Variants in PDS5A observed in about 807,000 individuals in gnomAD.
PDS5A encodes the protein sister chromatid cohesion protein PDS5 homolog A.
In PDS5A, 42 loss-of-function variants were observed where a neutral mutation model predicts 167.1. The ratio of observed to expected loss-of-function variants is 0.25; its 90% CI spans 0.20 to 0.33. The LOEUF is 0.33. Among genes scored for constraint, PDS5A ranks in the 10% least tolerant of loss-of-function variants. The probability of loss-of-function intolerance (pLI) is 1.00; values close to 1 mark genes in which losing one functional copy is unlikely to be tolerated. For synonymous variants in PDS5A, 553 were observed against 554.6 expected (o/e 1.00, Z 0.04); for missense variants, 1,033 against 1,605.9 (o/e 0.64, Z 6.10).
intron 2 of PDS5A, among the ~76,000 whole-genome samples, chr4:39,948,039 C>T (rs1165270396): frequency 6.6e-6 from 1 of 152,000 alleles, no homozygotes; most frequent in African/African-American, 2.4e-5. Flanking sequence ...TGCCTTGAGA[C>T]AAGGAATGCA....
chr4:39,869,553 T>A lies in PDS5A; in HGVS notation c.2437-91A>T, dbSNP rs1719841348. 3.8e-6 allele frequency: 3 copies of A among 779,746 alleles called. No individual in the cohort carries two copies. In the African/African-American group the frequency reaches 5.2e-5, roughly 13 times the overall value. The allele number at this position is 779,746 out of a possible 1,614,324, so 48.3% of individuals were successfully genotyped here. A position where few individuals can be genotyped will look rare whatever the true frequency, so the allele number is the denominator to read the frequency against. Reference sequence around the variant, plus strand: ...GTTTTTCATGTTGATCAACACAGCCTCTGAGAAACCTACGGGAACATCACC... The same window carrying A: ...GTTTTTCATGTTGATCAACACAGCCACTGAGAAACCTACGGGAACATCACC... On this transcript the variant is annotated intron_variant, in intron 21 of 32. Coordinates refer to ENST00000303538, the MANE Select transcript of PDS5A (RefSeq NM_001100399.2).
rs1479019631 is a variant in PDS5A, at chr4:39,977,757, C to A, written c.-341G>T. The A allele has an allele frequency of 6.7e-6, 1 of 149,300 alleles. No homozygotes were observed. Among genetic ancestry groups the A allele is most frequent in the East Asian group, 1.9e-4 (1 of 5,146 alleles). 9.2% of individuals were successfully genotyped at this position (149,300 alleles called of 1,614,324 possible). A position where few individuals can be genotyped will look rare whatever the true frequency, so the allele number is the denominator to read the frequency against. On this transcript the variant is annotated 5_prime_UTR_variant, in exon 1 of 33. Coordinates refer to ENST00000303538, the MANE Select transcript of PDS5A (RefSeq NM_001100399.2). The surrounding 1 kb of genome is among the most constrained non-coding windows in gnomAD (Gnocchi z 4.2). ...TGTGTGCGCTTGTGTCCGTCCGGGA[C>A]CCCCGCGGCCCGCCCGCACGCACCT...
chr4:39,913,370 C>T lies in PDS5A; in HGVS notation c.992+241G>A, dbSNP rs1018789277. ...CTGGGATTACAGGCATGAGCCACCACGGCTGGCCATGACATTATTTTAACA... is the reference window on the plus strand; with the variant it reads ...CTGGGATTACAGGCATGAGCCACCATGGCTGGCCATGACATTATTTTAACA... On this transcript the variant is annotated intron_variant, in intron 9 of 32. Coordinates refer to ENST00000303538, the MANE Select transcript of PDS5A (RefSeq NM_001100399.2). Among the ~76,000 whole-genome samples the T allele has an allele frequency of 3.9e-5, 6 of 152,238 alleles. No individual in the cohort carries two copies. In the East Asian group the frequency reaches 7.7e-4, roughly 20 times the overall value.
intron 2 of PDS5A, among the ~76,000 whole-genome samples, chr4:39,970,815 T>TTA (rs1553911027): frequency 1.4e-5 from 2 of 147,718 alleles, no homozygotes; most frequent in Non-Finnish European, 3.0e-5. Context: ...TTTTTTTTTT[T>TTA]AAGACAAGGT....
intron 2 of PDS5A, among the ~76,000 whole-genome samples, chr4:39,931,501 G>A (rs1726062669): frequency 6.6e-6 from 1 of 152,144 alleles, no homozygotes; most frequent in South Asian, 2.1e-4. Context: ...GACTGGGCGT[G>A]GAGGGTGTGT....
At chr4:39,845,698 A>G in intron 29 of PDS5A, 120 bp downstream of exon 29, 1 of 1,098,036 alleles carries the variant, frequency 9.1e-7, no homozygotes, top group Non-Finnish European at 1.2e-6. Flanking sequence ...TTAAATCCAT[A>G]ATGTGATCCC....
chr4:39,946,387 G>C (rs1005958039), intron 2 of PDS5A, among the ~76,000 whole-genome samples: 1 of 151,908 alleles, frequency 6.6e-6, no homozygotes, highest in Non-Finnish European at 1.5e-5. Context: ...ACGGGTGGTG[G>C]GAAAAAGCAG....
At position 39,837,037 on chromosome 4, in the gene PDS5A, G is replaced by C. The variant is rs1033740523; in HGVS notation, c.4010+819C>G. The C allele has an allele frequency of 7.5e-5, 10 of 133,274 alleles. No homozygotes were observed. The Admixed American group carries it at 8.4e-4, about 11-fold the overall frequency. 8.3% of individuals were successfully genotyped at this position (133,274 alleles called of 1,614,324 possible). A position where few individuals can be genotyped will look rare whatever the true frequency, so the allele number is the denominator to read the frequency against. ...AGTAGAGATGGGGTTTCACCATGTT[G>C]GTCAGGCTGGTCTTGAACTCCTGAC... On this transcript the variant is annotated intron_variant, in intron 32 of 32. Transcript: ENST00000303538.
chr4:39,845,887 A>T lies in PDS5A; in HGVS notation c.3340-7T>A. ...TCTTATCGTTACAGAAGTCCTATTA[A>T]AAAAAAAAAAGAAAAAGAAAAAAGA... On this transcript the variant is annotated splice_polypyrimidine_tract_variant and splice_region_variant and intron_variant, in intron 28 of 32. Coordinates refer to ENST00000303538, the MANE Select transcript of PDS5A (RefSeq NM_001100399.2). 7.7e-7 allele frequency: 1 copy of T among 1,293,816 alleles called. No individual in the cohort carries two copies. 80.1% of individuals were successfully genotyped at this position (1,293,816 alleles called of 1,614,324 possible).
chr4:39,930,246 A>AAAAAAAAAAAAAAAAAGTTTTTT, intron 2 of PDS5A, among the ~76,000 whole-genome samples: 5 of 93,088 alleles, frequency 5.4e-5, no homozygotes, highest in Non-Finnish European at 1.1e-4. Context: ...AAAAAAAAAA[A>AAAAAAAAAAAAAAAAAGTTTTTT]GTTTTTTTGT....
chr4:39,840,016 C>T (rs1279693090), intron 31 of PDS5A, among the ~76,000 whole-genome samples: 1 of 152,050 alleles, frequency 6.6e-6, no homozygotes, highest in Admixed American at 6.6e-5. Context: ...ATCGCTTGAA[C>T]CCAGGAGGCA....
chr4:39,864,844 A>G (rs1410599863), intron 23 of PDS5A, among the ~76,000 whole-genome samples: 4 of 152,350 alleles, frequency 2.6e-5, no homozygotes, highest in Admixed American at 1.3e-4. Context: ...AGGTAATACT[A>G]TATTATATGA....
intron 26 of PDS5A, among the ~76,000 whole-genome samples, chr4:39,850,477 A>G (rs1265334663): frequency 6.6e-6 from 1 of 152,054 alleles, no homozygotes; most frequent in Non-Finnish European, 1.5e-5. Context: ...CCCTCTCAAA[A>G]GAAAACACAG....
chr4:39,829,025 C>T (rs1007412074), intron 32 of PDS5A, among the ~76,000 whole-genome samples: 3 of 152,132 alleles, frequency 2.0e-5, no homozygotes, highest in East Asian at 1.9e-4. Flanking sequence ...GCAGCAATCC[C>T]GATCAGACTC....
At chr4:39,958,532 T>C (rs1236517218) in intron 2 of PDS5A, among the ~76,000 whole-genome samples, 4 of 146,862 alleles carry the variant, frequency 2.7e-5, no homozygotes, top group African/African-American at 5.0e-5. Flanking sequence ...AAGGTACGGG[T>C]AGGGAATTAC....
At chr4:39,921,277 T>TA (rs1361275961) in intron 6 of PDS5A, among the ~76,000 whole-genome samples, 3 of 152,184 alleles carry the variant, frequency 2.0e-5, no homozygotes, top group African/African-American at 7.2e-5. Context: ...TGTGTTCCAA[T>TA]AAAATCTTAC....
Position 39,900,436 on chromosome 4 carries a change from T to C in PDS5A, c.1571A>G (p.Lys524Arg), listed in dbSNP as rs764487607. The C allele has an allele frequency of 6.4e-7, 1 of 1,574,112 alleles. No individual in the cohort carries two copies. The highest frequency in any genetic ancestry group is 2.3e-5 in the East Asian group (1 of 43,916). The part of the protein sequence containing the change: ...SHVRELLDLH[K>R]QPTSEANCSA... Reference sequence around the variant, plus strand: ...AAATCATGAACCTACTGTAGGCTGCTTGTGCAAATCCAATAGTTCGCGTAC... The same window carrying C: ...AAATCATGAACCTACTGTAGGCTGCCTGTGCAAATCCAATAGTTCGCGTAC... Residue 524 changes from lysine to arginine, a missense_variant, in exon 14 of 33, where the codon AAG becomes AGG. Physicochemically the swap from Lys to Arg is conservative, Grantham distance 26. This residue lies in a region of PDS5A where 45 missense variants were observed against 40.2 expected (regional missense o/e 1.12). Coordinates refer to ENST00000303538, the MANE Select transcript of PDS5A (RefSeq NM_001100399.2).
At chr4:39,840,231 T>G (rs531128511) in intron 31 of PDS5A, among the ~76,000 whole-genome samples, 1 of 152,204 alleles carries the variant, frequency 6.6e-6, no homozygotes, top group South Asian at 2.1e-4. Flanking sequence ...TGTGTGATGC[T>G]CCTATCGATT....
At chr4:39,914,733 G>A (rs1200140632) in intron 8 of PDS5A, among the ~76,000 whole-genome samples, 1 of 152,200 alleles carries the variant, frequency 6.6e-6, no homozygotes, top group Non-Finnish European at 1.5e-5. Flanking sequence ...ACCATATGGT[G>A]TGTGAAACTT....
Sources: allele counts gnomAD v4.1 joint callset (sites outside exome capture counted in the v4.1 genomes callset), GRCh38; gene constraint gnomAD v4.1.1; regional missense constraint gnomAD v4.1.1; non-coding constraint Gnocchi (gnomAD v3.1); transcripts MANE v1.5; gene names NCBI Gene and HGNC (gene_info 2026-07-23, HGNC 2026-07-21).